The following TRMT9B variants were observed in gnomAD, a reference collection of about 807,000 sequenced individuals.
TRMT9B encodes probable tRNA methyltransferase 9B.
A neutral mutation model predicts 11.5 loss-of-function variants in TRMT9B; 16 were observed. The ratio of observed to expected loss-of-function variants is 1.39; its 90% CI spans 0.94 to 2.11. TRMT9B has a LOEUF of 2.11. Among genes scored for constraint, TRMT9B ranks in the 30% most tolerant of loss-of-function variants. TRMT9B has a pLI of 0.00. For missense variants in TRMT9B, 941 were observed against 553.8 expected (o/e 1.70, Z -7.02); for synonymous variants, 274 against 192.4 (o/e 1.42, Z -3.51).
At chr8:13,005,102 A>T (rs1052026059) in intron 2 of TRMT9B, among the ~76,000 whole-genome samples, 1 of 148,038 alleles carries the variant, frequency 6.8e-6, no homozygotes, top group Admixed American at 6.6e-5. Context: ...AAAAAAAAAG[A>T]AAAAGAAAAG....
intron 1 of TRMT9B, among the ~76,000 whole-genome samples, chr8:12,948,148 T>G (rs978079466): frequency 2.0e-5 from 3 of 152,308 alleles, no homozygotes; most frequent in Admixed American, 2.0e-4. Context: ...CTGAACATGA[T>G]AGCTTGGTTT....
At position 13,022,886 on chromosome 8, in the gene TRMT9B, G is replaced by A. The variant is rs1050117763; in HGVS notation, c.*842G>A. The A allele has an allele frequency of 1.2e-5, 2 of 166,416 alleles. No homozygotes were observed. The highest frequency in any genetic ancestry group is 4.8e-5 in the African/African-American group (2 of 41,384). 10.3% of individuals were successfully genotyped at this position (166,416 alleles called of 1,614,324 possible). ...TCATCCAAGCTACTCAAGAGACTGAGGCAGGAGGATCACGTGAGCCCAGGA... is the reference window on the plus strand; with the variant it reads ...TCATCCAAGCTACTCAAGAGACTGAAGCAGGAGGATCACGTGAGCCCAGGA... On this transcript the variant is annotated 3_prime_UTR_variant, in exon 5 of 5. Coordinates refer to ENST00000524591, the MANE Select transcript of TRMT9B (RefSeq NM_020844.3).
chr8:12,965,638 G>A (rs577687517), intron 1 of TRMT9B, among the ~76,000 whole-genome samples: 10 of 151,476 alleles, frequency 6.6e-5, no homozygotes, highest in Non-Finnish European at 1.3e-4. Context: ...TAAGCCCAAG[G>A]TAGACTACAA....
chr8:12,990,713 C>A, intron 1 of TRMT9B, 121 bp from the exon 2 acceptor site: 1 of 372,858 alleles, frequency 2.7e-6, no homozygotes, highest in Non-Finnish European at 4.5e-6. Context: ...ATTAACAATT[C>A]TTTCTAATCC....
intron 1 of TRMT9B, among the ~76,000 whole-genome samples, chr8:12,948,094 G>A (rs1236336523): frequency 1.3e-5 from 2 of 152,166 alleles, no homozygotes; most frequent in African/African-American, 4.8e-5. Context: ...TAAACCCATT[G>A]TAAATGGAAA....
chr8:12,979,320 G>C (rs2280454), intron 1 of TRMT9B, among the ~76,000 whole-genome samples: 125,584 of 151,948 alleles, frequency 0.83, 52,079 homozygotes, highest in African/African-American at 0.87. Context: ...TAGATTCTCA[G>C]TAACCTAGAG....
chr8:12,982,645 G>C (rs1805599885), intron 1 of TRMT9B, among the ~76,000 whole-genome samples: 2 of 151,196 alleles, frequency 1.3e-5, no homozygotes, highest in Admixed American at 6.6e-5. Context: ...CTGGGCAACA[G>C]AGAGAGACTC....
chr8:12,972,810 T>G (rs1321946978), intron 1 of TRMT9B, among the ~76,000 whole-genome samples: 3 of 152,198 alleles, frequency 2.0e-5, no homozygotes, highest in African/African-American at 7.2e-5. Context: ...GACTGAAATG[T>G]TTTTTATTGT....
At chr8:12,963,361 A>C (rs1802389904) in intron 1 of TRMT9B, among the ~76,000 whole-genome samples, 1 of 152,114 alleles carries the variant, frequency 6.6e-6, no homozygotes, top group Non-Finnish European at 1.5e-5. Flanking sequence ...TGAACCTGGG[A>C]GGTAGAGGTT....
chr8:12,949,589 G>C (rs995818753), intron 1 of TRMT9B, among the ~76,000 whole-genome samples: 6 of 151,958 alleles, frequency 3.9e-5, no homozygotes, highest in Non-Finnish European at 8.8e-5. Flanking sequence ...TTTTCTACCT[G>C]CCTCCAAACA....
At chr8:12,947,171 C>T (rs901810622) in intron 1 of TRMT9B, among the ~76,000 whole-genome samples, 77 of 152,258 alleles carry the variant, frequency 5.1e-4, no homozygotes, top group African/African-American at 1.8e-3. Flanking sequence ...ACCAATGAGG[C>T]CATAAAGCTT....
chr8:12,966,174 G>C (rs1481714928), intron 1 of TRMT9B, among the ~76,000 whole-genome samples: 6 of 151,814 alleles, frequency 4.0e-5, no homozygotes, highest in African/African-American at 1.5e-4. Flanking sequence ...TACAGAAAGT[G>C]AAAAAAACAG....
chr8:12,959,685 A>T (rs1801823580), intron 1 of TRMT9B, among the ~76,000 whole-genome samples: 1 of 151,662 alleles, frequency 6.6e-6, no homozygotes, highest in African/African-American at 2.4e-5. Flanking sequence ...ACACCTAGCT[A>T]ACTTTGTTTA....
chr8:13,003,411 T>A (rs1171783954), intron 2 of TRMT9B, among the ~76,000 whole-genome samples: 1 of 152,140 alleles, frequency 6.6e-6, no homozygotes, highest in African/African-American at 2.4e-5. Flanking sequence ...CCTGTTGCCC[T>A]TATCCTGCCT....
At position 12,956,281 on chromosome 8, in the gene TRMT9B, T is replaced by C. The variant is rs112723913; in HGVS notation, c.-200+10315T>C. On this transcript the variant is annotated intron_variant, in intron 1 of 4. Transcript: ENST00000524591. ...TATTTCATCCGAGATTTGGCTAGAG[T>C]ATTTATTTTTAAAATTGGTAGAGAT... Among the ~76,000 whole-genome samples, 758 of 152,216 alleles carry C rather than the reference T, an allele frequency of 5.0e-3. 8 individuals carry two copies. The highest frequency in any genetic ancestry group is 0.017 in the African/African-American group (712 of 41,544).
At chr8:13,005,332 G>T (rs1284152401) in intron 2 of TRMT9B, among the ~76,000 whole-genome samples, 1 of 152,032 alleles carries the variant, frequency 6.6e-6, no homozygotes, top group Non-Finnish European at 1.5e-5. Context: ...GATTGTTAAT[G>T]GGTACAAAAA....
In TRMT9B at chr8:13,011,843, T is replaced by C; in HGVS notation, c.155-841T>C. On this transcript the variant is annotated intron_variant, in intron 3 of 4. Transcript: ENST00000524591. ...GAATAGAGATTGGATAAAAACAATG[T>C]TAAAAATTCTTTTCTAATTCAAGTT... 4 of 970,204 alleles carry C rather than the reference T, an allele frequency of 4.1e-6. No individual in the cohort carries two copies. The South Asian group carries it at 1.9e-4, about 46-fold the overall frequency. 60.1% of individuals were successfully genotyped at this position (970,204 alleles called of 1,614,324 possible).
rs774626848 is a variant in TRMT9B, at chr8:13,021,302, G to C, written c.623G>C (p.Gly208Ala). The change falls in exon 5 of 5, where the codon GGT becomes GCT. Residue 208 changes from glycine (G) to alanine (A), a missense_variant. Physicochemically the swap from Gly to Ala is moderately conservative, Grantham distance 60. Coordinates refer to ENST00000524591, the MANE Select transcript of TRMT9B (RefSeq NM_020844.3). Reference protein sequence around the residue: ...SCSVCFKEQCGSKRSHSVGYE... With the variant: ...SCSVCFKEQCASKRSHSVGYE... Reference sequence around the variant, plus strand: ...TCTGTTTGTTTTAAAGAGCAGTGTGGTTCAAAACGGTCCCACAGCGTGGGC... The same window carrying C: ...TCTGTTTGTTTTAAAGAGCAGTGTGCTTCAAAACGGTCCCACAGCGTGGGC... 1.2e-6 allele frequency: 2 copies of C among 1,614,022 alleles called. No individual in the cohort carries two copies. The highest frequency in any genetic ancestry group is 2.2e-5 in the East Asian group (1 of 44,878).
intron 1 of TRMT9B, among the ~76,000 whole-genome samples, chr8:12,982,611 G>A (rs1421098418): frequency 5.9e-5 from 9 of 151,696 alleles, no homozygotes; most frequent in South Asian, 4.2e-4. Flanking sequence ...GCAGTGAGCC[G>A]AGATTGCGCC....
Sources: allele counts gnomAD v4.1 joint callset (sites outside exome capture counted in the v4.1 genomes callset), GRCh38; gene constraint gnomAD v4.1.1; transcripts MANE v1.5; gene names NCBI Gene and HGNC (gene_info 2026-07-23, HGNC 2026-07-21).